The following PI15 variants were observed in gnomAD, a reference collection of about 807,000 sequenced individuals.
The protein encoded by PI15 is 25 kDa trypsin inhibitor.
A neutral mutation model predicts 31.0 loss-of-function variants in PI15; 18 were observed. The ratio of observed to expected loss-of-function variants is 0.58; its 90% CI spans 0.40 to 0.86. The LOEUF is 0.86. Among genes scored for constraint, PI15 ranks in the 40% least tolerant of loss-of-function variants. The probability of loss-of-function intolerance (pLI) is 0.00; values close to 1 mark genes in which losing one functional copy is unlikely to be tolerated. For synonymous variants in PI15, 118 were observed against 119.1 expected, an observed-to-expected ratio of 0.99 and a Z score of 0.06; for missense variants, 282 against 328.1, an observed-to-expected ratio of 0.86 and a Z score of 1.09.
At chr8:74,833,706 T>C (rs78913028) in intron 2 of PI15, among the ~76,000 whole-genome samples, 3,305 of 152,226 alleles carry the variant, frequency 0.022, 48 homozygotes, top group African/African-American at 0.029. Context: ...TTTTGAGAGA[T>C]GAGATAATTT....
rs566910602 is a variant in PI15, at chr8:74,849,947, T to A, written c.*694T>A. The A allele has an allele frequency of 6.6e-6, 1 of 152,340 alleles. No individual in the cohort carries two copies. The highest frequency in any genetic ancestry group is 2.4e-5 in the African/African-American group (1 of 41,580). 9.4% of individuals were successfully genotyped at this position (152,340 alleles called of 1,614,324 possible). On this transcript the variant is annotated 3_prime_UTR_variant, in exon 6 of 6. Coordinates refer to ENST00000260113, the MANE Select transcript of PI15 (RefSeq NM_015886.5). Reference sequence around the variant, plus strand: ...TTCCGCTTAGTCTCATTTTATTCATTCAGTCGTCATGAGTTGAGTGCTTAC... The same window carrying A: ...TTCCGCTTAGTCTCATTTTATTCATACAGTCGTCATGAGTTGAGTGCTTAC...
At chr8:74,830,256 T>A (rs538163619) in intron 2 of PI15, among the ~76,000 whole-genome samples, 1 of 151,548 alleles carries the variant, frequency 6.6e-6, no homozygotes, top group African/African-American at 2.4e-5. Flanking sequence ...AATGTGAATA[T>A]AATGAAGGAA....
intron 5 of PI15, among the ~76,000 whole-genome samples, chr8:74,848,871 C>T (rs185034633): frequency 0.015 from 2,204 of 150,516 alleles, 55 homozygotes; most frequent in African/African-American, 0.049. Flanking sequence ...GCAGCTGGGA[C>T]TAGAGGCACC....
chr8:74,855,015 A>C lies in PI15; in HGVS notation c.*5762A>C, dbSNP rs1453424657. ...CATTGTATTGTTTTTTCTTTCAATA[A>C]AAGAGTATAATTAATTGGTTGTTTT... On this transcript the variant is annotated 3_prime_UTR_variant, in exon 6 of 6. Coordinates refer to ENST00000260113, the MANE Select transcript of PI15 (RefSeq NM_015886.5). The C allele has an allele frequency of 1.5e-5, 2 of 130,950 alleles. No individual in the cohort carries two copies. The highest frequency in any genetic ancestry group is 6.3e-5 in the African/African-American group (2 of 31,984). 8.1% of individuals were successfully genotyped at this position (130,950 alleles called of 1,614,324 possible). A position where few individuals can be genotyped will look rare whatever the true frequency, so the allele number is the denominator to read the frequency against.
Position 74,850,953 on chromosome 8 carries a change from A to G in PI15, c.*1700A>G, listed in dbSNP as rs916494606. 3.3e-5 allele frequency: 5 copies of G among 152,578 alleles called. No individual in the cohort carries two copies. The highest frequency in any genetic ancestry group is 2.0e-4 in the Admixed American group (3 of 15,264). 9.5% of individuals were successfully genotyped at this position (152,578 alleles called of 1,614,324 possible). On this transcript the variant is annotated 3_prime_UTR_variant, in exon 6 of 6. Transcript: ENST00000260113. ...AAGGAAGCTACTTGTTTAAAATTCC[A>G]TACACGTTTGCAGTTTCTTGTACAC...
In PI15 at chr8:74,825,351, C is replaced by T. The variant is rs751511153; in HGVS notation, c.102C>T (p.Thr34=). ...LLNSTDSSPP[T]NNFTDIEAAL... is the part of the protein sequence containing the mutation. ...ATTCCACTGACTCATCCCCGCCAAC[C>T]AATAATTTCACTGATATTGAAGCAG... is the stretch of plus-strand genomic sequence containing the variant. Residue 34 remains threonine, a synonymous_variant, in exon 2 of 6, where the codon ACC becomes ACT. Transcript: ENST00000260113. 8.1e-6 allele frequency: 13 copies of T among 1,613,174 alleles called. No homozygotes were observed. The highest frequency in any genetic ancestry group is 2.2e-5 in the East Asian group (1 of 44,832).
chr8:74,845,289 A>T, intron 4 of PI15, 29 bp downstream of exon 4: 1 of 1,608,198 alleles, frequency 6.2e-7, no homozygotes, highest in Non-Finnish European at 8.5e-7. Context: ...TTAATTTTTG[A>T]TTCATACTTT....
chr8:74,841,607 A>C (rs1182165479), intron 2 of PI15, among the ~76,000 whole-genome samples: 1 of 152,248 alleles, frequency 6.6e-6, no homozygotes, highest in East Asian at 1.9e-4. Flanking sequence ...GAATGCATAC[A>C]TGTACTTTTT....
At chr8:74,826,806 G>A (rs1345531231) in intron 2 of PI15, among the ~76,000 whole-genome samples, 1 of 152,014 alleles carries the variant, frequency 6.6e-6, no homozygotes, top group Non-Finnish European at 1.5e-5. Context: ...AAATGTATGA[G>A]TTGACGAGTA....
At chr8:74,835,182 T>A (rs1810844896) in intron 2 of PI15, among the ~76,000 whole-genome samples, 1 of 152,156 alleles carries the variant, frequency 6.6e-6, no homozygotes, top group African/African-American at 2.4e-5. Flanking sequence ...TCCCTTCAAA[T>A]CTTACTTTAG....
In PI15 at chr8:74,845,515, T is replaced by A. The variant is rs372200218; in HGVS notation, c.641+18T>A. 6.8e-7 allele frequency: 1 copy of A among 1,469,426 alleles called. No homozygotes were observed. The highest frequency in any genetic ancestry group is 9.5e-7 in the Non-Finnish European group (1 of 1,048,268). 91.0% of individuals were successfully genotyped at this position (1,469,426 alleles called of 1,614,324 possible). ...GCCCCAAAGTAAGTACCAGGTTGGA[T>A]TCTATTTCCTGGATCCTTTAAAGAC... On this transcript the variant is annotated intron_variant, in intron 5 of 5. Transcript: ENST00000260113.
Position 74,825,516 on chromosome 8 carries a change from A to G in PI15, c.267A>G (p.Glu89=). The change falls in exon 2 of 6, where the codon GAA becomes GAG. Residue 89 remains glutamate (E), a synonymous_variant. Transcript: ENST00000260113. Reference sequence around the variant, plus strand: ...TGTTCCCACCGGCAGCAAATATGGAATATATGGTAAGAAGAATTCTTTTTT... The same window carrying G: ...TGTTCCCACCGGCAGCAAATATGGAGTATATGGTAAGAAGAATTCTTTTTT... ...GKVFPPAANM[E]YMVWDENLAK... 1 of 1,605,270 alleles carries G rather than the reference A, an allele frequency of 6.2e-7. No homozygotes were observed. The highest frequency in any genetic ancestry group is 8.5e-7 in the Non-Finnish European group (1 of 1,174,680).
chr8:74,833,050 G>A (rs1264345820), intron 2 of PI15, among the ~76,000 whole-genome samples: 1 of 152,108 alleles, frequency 6.6e-6, no homozygotes, highest in Admixed American at 6.6e-5. Flanking sequence ...AGGCGGGAAG[G>A]CATTTGAATC....
chr8:74,827,980 C>A (rs866208364), intron 2 of PI15, among the ~76,000 whole-genome samples: 37 of 152,106 alleles, frequency 2.4e-4, no homozygotes, highest in African/African-American at 6.5e-4. Context: ...TGTGCATACA[C>A]TTCATTCACA....
Position 74,852,114 on chromosome 8 carries a change from G to A in PI15, c.*2861G>A, listed in dbSNP as rs558133834. The A allele has an allele frequency of 6.6e-6, 1 of 152,488 alleles. No individual in the cohort carries two copies. The highest frequency in any genetic ancestry group is 2.4e-5 in the African/African-American group (1 of 41,516). The allele number at this position is 152,488 out of a possible 1,614,324, so 9.4% of individuals were successfully genotyped here. A position where few individuals can be genotyped will look rare whatever the true frequency, so the allele number is the denominator to read the frequency against. On this transcript the variant is annotated 3_prime_UTR_variant, in exon 6 of 6. Transcript: ENST00000260113. ...AGAGGCAGAAATGGTCTGGGTATAA[G>A]CTATTTCATAAAAGCAGCTTTAAAT...
chr8:74,833,902 G>C (rs1465450945), intron 2 of PI15, among the ~76,000 whole-genome samples: 1 of 152,150 alleles, frequency 6.6e-6, no homozygotes, highest in Non-Finnish European at 1.5e-5. Flanking sequence ...TTAGAAACTG[G>C]GCTGTGCAGC....
At chr8:74,839,991 A>G (rs1007786035) in intron 2 of PI15, among the ~76,000 whole-genome samples, 2 of 152,174 alleles carry the variant, frequency 1.3e-5, no homozygotes, top group Admixed American at 6.5e-5. Context: ...CAATGGCAAC[A>G]TTCATTACAA....
Position 74,849,298 on chromosome 8 carries a change from G to A in PI15, c.*45G>A, listed in dbSNP as rs1353295139. ...AAATATAATGATTTCTGGGAACATGGGCATGTATATATATATATGGAGAGA... is the reference window on the plus strand; with the variant it reads ...AAATATAATGATTTCTGGGAACATGAGCATGTATATATATATATGGAGAGA... On this transcript the variant is annotated 3_prime_UTR_variant, in exon 6 of 6. Transcript: ENST00000260113. 4.0e-6 allele frequency: 6 copies of A among 1,502,932 alleles called. No individual in the cohort carries two copies. Among genetic ancestry groups the A allele is most frequent in the Middle Eastern group, 1.7e-4 (1 of 5,786 alleles). The allele number at this position is 1,502,932 out of a possible 1,614,324, so 93.1% of individuals were successfully genotyped here. A position where few individuals can be genotyped will look rare whatever the true frequency, so the allele number is the denominator to read the frequency against.
chr8:74,830,625 A>G (rs918008932), intron 2 of PI15, among the ~76,000 whole-genome samples: 1 of 152,160 alleles, frequency 6.6e-6, no homozygotes, highest in Non-Finnish European at 1.5e-5. Flanking sequence ...GAATGTGGAA[A>G]AGGTAAACTA....
Sources: gnomAD v4.1 joint callset for allele counts (sites outside exome capture counted in the v4.1 genomes callset) on GRCh38, gnomAD v4.1.1 for gene constraint, MANE v1.5 for transcripts, NCBI Gene and HGNC (gene_info 2026-07-23, HGNC 2026-07-21) for gene names.